NUBPL: variants seen among roughly 807,000 people sequenced by gnomAD.
NUBPL encodes iron-sulfur cluster transfer protein NUBPL.
NUBPL carries 31 observed loss-of-function variants against 45.7 expected under a neutral mutation model. The observed-to-expected ratio is 0.68, with a 90% CI of 0.51 to 0.92. The LOEUF (loss-of-function observed/expected upper bound fraction) is 0.92, where lower values mean the gene tolerates loss of function less well. NUBPL is among the 40% of genes least tolerant of loss of function. NUBPL has a pLI of 0.00. For missense variants in NUBPL, 401 were observed against 398.7 expected (o/e 1.01, Z -0.05); for synonymous variants, 144 against 140.9 (o/e 1.02, Z -0.15).
chr14:31,649,398 A>G (rs182362224), intron 4 of NUBPL, among the ~76,000 whole-genome samples: 3 of 152,310 alleles, frequency 2.0e-5, no homozygotes, highest in East Asian at 1.9e-4. Context: ...TCACTGGTTT[A>G]TAATTGAAGA....
intron 6 of NUBPL, among the ~76,000 whole-genome samples, chr14:31,693,834 T>TGAGGTA (rs1369220171): frequency 7.2e-6 from 1 of 138,648 alleles, no homozygotes; most frequent in Non-Finnish European, 1.5e-5. Flanking sequence ...CCTTTAAACA[T>TGAGGTA]GAGGTAGATT....
chr14:31,847,805 C>T (rs2040477003), intron 9 of NUBPL, among the ~76,000 whole-genome samples: 1 of 152,092 alleles, frequency 6.6e-6, no homozygotes, highest in Non-Finnish European at 1.5e-5. Flanking sequence ...ACTACAATAC[C>T]AGGTGAATAC....
At chr14:31,582,381 G>A (rs915058531) in intron 3 of NUBPL, among the ~76,000 whole-genome samples, 2 of 105,544 alleles carry the variant, frequency 1.9e-5, no homozygotes, top group African/African-American at 3.6e-5. Context: ...AGGAAAATTT[G>A]TGTACTTTTT....
chr14:31,641,066 C>T (rs955457721), intron 4 of NUBPL, among the ~76,000 whole-genome samples: 6 of 152,058 alleles, frequency 3.9e-5, no homozygotes, highest in Non-Finnish European at 1.5e-5. Flanking sequence ...ATTCTTCTGC[C>T]TCAGCCTCCC....
In NUBPL at chr14:31,669,593, AT is replaced by A. The variant is rs769686386; in HGVS notation, c.383-3756del. The stretch of plus-strand genomic sequence containing the variant: ...ATTAAACCTAGTACTCAATAGTTAT[AT>A]TTTTTCCTCTCTTCCTCCTCCGATT... On this transcript the variant is annotated intron_variant, in intron 4 of 10. Transcript: ENST00000281081. Among the ~76,000 whole-genome samples, 14 of 151,498 alleles carry A rather than the reference AT, an allele frequency of 9.2e-5. No homozygotes were observed. The East Asian group carries it at 9.7e-4, about 10-fold the overall frequency.
At chr14:31,779,220 A>G (rs941855797) in intron 6 of NUBPL, among the ~76,000 whole-genome samples, 2 of 152,110 alleles carry the variant, frequency 1.3e-5, no homozygotes, top group Non-Finnish European at 2.9e-5. Flanking sequence ...GCATGCCTGT[A>G]ATCCCAGCTA....
At chr14:31,612,490 A>G (rs1479050975) in intron 4 of NUBPL, among the ~76,000 whole-genome samples, 3 of 152,230 alleles carry the variant, frequency 2.0e-5, no homozygotes, top group South Asian at 4.1e-4. Context: ...GTGAAACCCC[A>G]TCTCTACTAA....
In NUBPL at chr14:31,648,773, C is replaced by A. The variant is rs117288298; in HGVS notation, c.383-24582C>A. 2.6e-5 allele frequency among the ~76,000 whole-genome samples: 4 copies of A among 152,276 alleles called. No homozygotes were observed. The East Asian group carries it at 7.7e-4, about 29-fold the overall frequency. On this transcript the variant is annotated intron_variant, in intron 4 of 10. Coordinates refer to ENST00000281081, the MANE Select transcript of NUBPL (RefSeq NM_025152.3). ...CATGAGTGAGGCAGTCCATTCACTA[C>A]TGATATGTTAGTTCTATTCTGCAAA...
chr14:31,840,593 AAAAG>A (rs1303788100), intron 8 of NUBPL, among the ~76,000 whole-genome samples: 2 of 147,184 alleles, frequency 1.4e-5, no homozygotes, highest in African/African-American at 5.0e-5. Flanking sequence ...AAAAAAAAGA[AAAAG>A]AAAGAAATCC....
chr14:31,630,535 C>A (rs1489128846), intron 4 of NUBPL, among the ~76,000 whole-genome samples: 1 of 152,108 alleles, frequency 6.6e-6, no homozygotes, highest in Non-Finnish European at 1.5e-5. Context: ...CTGCCTAGTT[C>A]TAGAAGTCCC....
chr14:31,820,161 A>G (rs987936927), intron 7 of NUBPL, among the ~76,000 whole-genome samples: 4 of 148,834 alleles, frequency 2.7e-5, no homozygotes, highest in Admixed American at 2.0e-4. Context: ...AAAGAAAAAG[A>G]AAAAAATATT....
chr14:31,705,390 A>T (rs1566512367), intron 6 of NUBPL, among the ~76,000 whole-genome samples: 1 of 152,148 alleles, frequency 6.6e-6, no homozygotes, highest in Non-Finnish European at 1.5e-5. Flanking sequence ...CCTGCTTTTA[A>T]TCCCTTATCT....
chr14:31,804,107 G>C (rs1359853728), intron 7 of NUBPL, among the ~76,000 whole-genome samples: 9 of 152,028 alleles, frequency 5.9e-5, no homozygotes, highest in Non-Finnish European at 1.0e-4. Flanking sequence ...TCTTGTATTT[G>C]GCTGAACATA....
Position 31,832,812 on chromosome 14 carries a change from G to A in NUBPL, c.693+6098G>A, listed in dbSNP as rs145395997. On this transcript the variant is annotated intron_variant, in intron 8 of 10. Coordinates refer to ENST00000281081, the MANE Select transcript of NUBPL (RefSeq NM_025152.3). Reference sequence around the variant, plus strand: ...GCCACTTTGTAACTGTATGACCTGAGTTATCTATTCTATGCCTTAGTTTTC... The same window carrying A: ...GCCACTTTGTAACTGTATGACCTGAATTATCTATTCTATGCCTTAGTTTTC... Among the ~76,000 whole-genome samples the A allele has an allele frequency of 3.0e-4, 46 of 152,232 alleles. 1 individual carries two copies. The Middle Eastern group carries it at 0.01, about 34-fold the overall frequency.
In NUBPL at chr14:31,778,134, G is replaced by A. The variant is rs762198834; in HGVS notation, c.514-9646G>A. On this transcript the variant is annotated intron_variant, in intron 6 of 10. Coordinates refer to ENST00000281081, the MANE Select transcript of NUBPL (RefSeq NM_025152.3). ...AGGTAGCTCTTGGAGAGCAGGAGGC[G>A]TAGAATTAGTGAAACTGACTGAATA... 1.1e-4 allele frequency among the ~76,000 whole-genome samples: 17 copies of A among 152,216 alleles called. No homozygotes were observed. The East Asian group carries it at 1.2e-3, about 10-fold the overall frequency.
chr14:31,569,564 A>G (rs553944861), intron 3 of NUBPL, among the ~76,000 whole-genome samples: 6 of 152,114 alleles, frequency 3.9e-5, no homozygotes, highest in Non-Finnish European at 8.8e-5. Flanking sequence ...CTTGCCTTTT[A>G]TACTTTCCTT....
intron 4 of NUBPL, among the ~76,000 whole-genome samples, chr14:31,636,467 T>C (rs1385246544): frequency 6.8e-6 from 1 of 146,328 alleles, no homozygotes; most frequent in African/African-American, 2.8e-5. Flanking sequence ...GATAAGCTTT[T>C]TGATGTGCTG....
At chr14:31,613,427 T>C (rs534275896) in intron 4 of NUBPL, among the ~76,000 whole-genome samples, 1 of 152,202 alleles carries the variant, frequency 6.6e-6, no homozygotes, top group South Asian at 2.1e-4. Flanking sequence ...TTATTGTACA[T>C]TTAAAAATAA....
intron 6 of NUBPL, among the ~76,000 whole-genome samples, chr14:31,707,497 T>G (rs2037480112): frequency 6.6e-6 from 1 of 152,222 alleles, no homozygotes; most frequent in African/African-American, 2.4e-5. Context: ...CTTTGACTTT[T>G]TGTCTCTCTG....
Sources: allele counts gnomAD v4.1 joint callset (sites outside exome capture counted in the v4.1 genomes callset), GRCh38; gene constraint gnomAD v4.1.1; transcripts MANE v1.5; gene names NCBI Gene and HGNC (gene_info 2026-07-23, HGNC 2026-07-21).